The following NFATC1 variants were observed in gnomAD, a reference collection of about 807,000 sequenced individuals.
The protein encoded by NFATC1 is nuclear factor of activated T cells 1.
Under a neutral mutation model 76.0 loss-of-function variants are expected in NFATC1, and 22 were observed. The ratio of observed to expected loss-of-function variants is 0.29; its 90% CI spans 0.21 to 0.41. The LOEUF (loss-of-function observed/expected upper bound fraction) is 0.41. NFATC1 is among the 10% of genes least tolerant of loss of function. The pLI, the probability that NFATC1 is intolerant of heterozygous loss-of-function variation, is 1.00. For synonymous variants in NFATC1, 704 were observed against 613.1 expected (o/e 1.15, Z -2.19); for missense variants, 1,357 against 1,337.7 (o/e 1.01, Z -0.23).
rs2085146062 is a variant in NFATC1, at chr18:79,400,257, GGGGGCGGGGGCGGGGCGGGGACGGGGGGA to G, written c.127+3917_127+3945del. 4 of 1,084,712 alleles carry G rather than the reference GGGGGCGGGGGCGGGGCGGGGACGGGGGGA, an allele frequency of 3.7e-6. No individual in the cohort carries two copies. In the African/African-American group the frequency reaches 8.6e-5, roughly 23 times the overall value. The allele number at this position is 1,084,712 out of a possible 1,614,324, so 67.2% of individuals were successfully genotyped here. A position where few individuals can be genotyped will look rare whatever the true frequency, so the allele number is the denominator to read the frequency against. ...TTTATGTAAACCCGGAAACGCCCCG[GGGGGCGGGGGCGGGGCGGGGACGGGGGGA>G]GGGGCGGGGGTCACGTTACGCGGAG... On this transcript the variant is annotated intron_variant, in intron 1 of 9. Transcript: ENST00000427363.
intron 2 of NFATC1, among the ~76,000 whole-genome samples, chr18:79,417,251 GTGGGAGA>G (rs2085911410): frequency 9.1e-6 from 1 of 109,550 alleles, no homozygotes; most frequent in South Asian, 4.2e-4. Flanking sequence ...ATGGGCTGTG[GTGGGAGA>G]TGGGAGATGG....
At chr18:79,443,544 C>A (rs2087069855) in intron 3 of NFATC1, among the ~76,000 whole-genome samples, 1 of 152,228 alleles carries the variant, frequency 6.6e-6, no homozygotes, top group Non-Finnish European at 1.5e-5. Context: ...CCAGTCGGCG[C>A]CCGTGCATTC....
chr18:79,474,216 T>C (rs1387033905), intron 8 of NFATC1, among the ~76,000 whole-genome samples: 3 of 8,956 alleles, frequency 3.3e-4, no homozygotes, highest in Non-Finnish European at 5.9e-4. Context: ...TCATGCTCAC[T>C]GTCGACGTAA....
chr18:79,451,750 A>C lies in NFATC1; in HGVS notation c.1837A>C (p.Lys613Gln). 6.2e-7 allele frequency: 1 copy of C among 1,613,314 alleles called. No individual in the cohort carries two copies. The highest frequency in any genetic ancestry group is 8.5e-7 in the Non-Finnish European group (1 of 1,179,728). Residue 613 changes from lysine (K) to glutamine (Q), a missense_variant, in exon 6 of 10, where the codon AAG becomes CAG. By Grantham distance (53) the Lys-to-Gln change is moderately conservative. Coordinates refer to ENST00000427363, the MANE Select transcript of NFATC1 (RefSeq NM_001278669.2). ...CAGCTATCCGGTCGTGGGCGGGAAG[A>C]AGATGGTCCTGTCTGGCCACAACTT... ...TDSYPVVGGK[K>Q]MVLSGHNFLQ...
At chr18:79,423,931 G>A (rs564551369) in intron 2 of NFATC1, among the ~76,000 whole-genome samples, 1 of 152,316 alleles carries the variant, frequency 6.6e-6, no homozygotes, top group Non-Finnish European at 1.5e-5. Flanking sequence ...GTAGCCCGGG[G>A]CCTCTGGGTG....
intron 9 of NFATC1, among the ~76,000 whole-genome samples, chr18:79,521,415 G>GGA (rs2090561447): frequency 1.0e-5 from 1 of 98,714 alleles, no homozygotes; most frequent in Non-Finnish European, 2.1e-5. Flanking sequence ...GTGTGTGGGG[G>GGA]GCATCCACTG....
At chr18:79,479,746 G>C (rs1040396816) in intron 8 of NFATC1, among the ~76,000 whole-genome samples, 3 of 152,208 alleles carry the variant, frequency 2.0e-5, no homozygotes, top group Admixed American at 6.5e-5. Context: ...TGTGGGTGCC[G>C]GGTGCCTCGC....
intron 9 of NFATC1, among the ~76,000 whole-genome samples, chr18:79,503,274 A>G (rs1168858277): frequency 1.3e-5 from 2 of 152,160 alleles, no homozygotes; most frequent in African/African-American, 4.8e-5. Flanking sequence ...TCAGCCTCAG[A>G]CCACTGGGAT....
chr18:79,435,673 T>G (rs1568958841), intron 3 of NFATC1, among the ~76,000 whole-genome samples: 1 of 152,232 alleles, frequency 6.6e-6, no homozygotes, highest in Non-Finnish European at 1.5e-5. Context: ...TGCAGAAATC[T>G]ATCAATACAG....
chr18:79,517,812 T>C (rs1168354296), intron 9 of NFATC1, among the ~76,000 whole-genome samples: 1 of 152,230 alleles, frequency 6.6e-6, no homozygotes, highest in African/African-American at 2.4e-5. Flanking sequence ...GGAAGATGCT[T>C]TTAAATGTGT....
At chr18:79,437,595 G>A (rs1280090365) in intron 3 of NFATC1, among the ~76,000 whole-genome samples, 5 of 152,338 alleles carry the variant, frequency 3.3e-5, no homozygotes, top group East Asian at 1.9e-4. Context: ...GATGCGTGGC[G>A]GATGTTTCCC....
At chr18:79,453,303 G>A (rs1238388646) in intron 6 of NFATC1, among the ~76,000 whole-genome samples, 1 of 152,228 alleles carries the variant, frequency 6.6e-6, no homozygotes, top group Non-Finnish European at 1.5e-5. Context: ...TGCCCAGAGA[G>A]GCCTGGGCAC....
At chr18:79,479,862 C>T (rs2089212210) in intron 8 of NFATC1, among the ~76,000 whole-genome samples, 1 of 152,224 alleles carries the variant, frequency 6.6e-6, no homozygotes, top group Non-Finnish European at 1.5e-5. Context: ...GGCCCGGTCC[C>T]GGTGGGAGGC....
At chr18:79,487,466 C>T (rs773137756) in intron 9 of NFATC1, among the ~76,000 whole-genome samples, 9 of 152,320 alleles carry the variant, frequency 5.9e-5, no homozygotes, top group Admixed American at 3.3e-4. Flanking sequence ...GCCGTGACAC[C>T]GGGGGCCCTA....
intron 9 of NFATC1, among the ~76,000 whole-genome samples, chr18:79,509,188 G>A (rs1200336649): frequency 6.6e-6 from 1 of 152,196 alleles, no homozygotes; most frequent in Non-Finnish European, 1.5e-5. Flanking sequence ...GGCGTGGCCC[G>A]TGTCCTTTCC....
chr18:79,436,353 C>T (rs1398156600), intron 3 of NFATC1, among the ~76,000 whole-genome samples: 1 of 152,238 alleles, frequency 6.6e-6, no homozygotes, highest in Non-Finnish European at 1.5e-5. Context: ...ATGCTGTTCT[C>T]TTCGTTGTGA....
chr18:79,459,025 A>G (rs2087905643), intron 6 of NFATC1, among the ~76,000 whole-genome samples: 6 of 152,190 alleles, frequency 3.9e-5, no homozygotes, highest in Admixed American at 3.9e-4. Flanking sequence ...GTCGGACACC[A>G]CGGGGAGAGG....
intron 8 of NFATC1, among the ~76,000 whole-genome samples, chr18:79,475,609 C>T (rs2089034705): frequency 6.7e-6 from 1 of 149,688 alleles, no homozygotes; most frequent in Admixed American, 6.6e-5. Context: ...TGCTCACTGT[C>T]GACGTTGTGA....
At chr18:79,401,446 A>G (rs1259370955) in intron 1 of NFATC1, among the ~76,000 whole-genome samples, 1 of 151,380 alleles carries the variant, frequency 6.6e-6, no homozygotes, top group Non-Finnish European at 1.5e-5. Context: ...CCACTCCCCA[A>G]ATGTCTTCCC....
Sources: gnomAD v4.1 joint callset for allele counts (sites outside exome capture counted in the v4.1 genomes callset) on GRCh38, gnomAD v4.1.1 for gene constraint, MANE v1.5 for transcripts, NCBI Gene and HGNC (gene_info 2026-07-23, HGNC 2026-07-21) for gene names.